The following SDK1 variants were observed in gnomAD, a reference collection of about 807,000 sequenced individuals.
SDK1 encodes protein sidekick-1.
Under a neutral mutation model 245.5 loss-of-function variants are expected in SDK1, and 157 were observed. The ratio of observed to expected loss-of-function variants is 0.64; its 90% CI spans 0.56 to 0.73. The LOEUF is 0.73. Ranked by LOEUF, SDK1 falls within the 30% of genes least tolerant of loss-of-function variation. The probability of loss-of-function intolerance (pLI) is 0.00; values close to 1 mark genes in which losing one functional copy is unlikely to be tolerated. For missense variants in SDK1, 3,583 were observed against 3,002.3 expected (o/e 1.19, Z -4.52); for synonymous variants, 1,647 against 1,278.5 (o/e 1.29, Z -6.15).
At chr7:3,742,395 C>A (rs1269607620) in intron 4 of SDK1, among the ~76,000 whole-genome samples, 1 of 152,112 alleles carries the variant, frequency 6.6e-6, no homozygotes, top group East Asian at 1.9e-4. Context: ...AGCTCTACTT[C>A]CGGTAAGGAG....
intron 14 of SDK1, among the ~76,000 whole-genome samples, chr7:4,003,624 TCATCA>T (rs908262235): frequency 2.0e-4 from 30 of 152,212 alleles, no homozygotes; most frequent in African/African-American, 7.0e-4. Context: ...AGCGCCATTC[TCATCA>T]CATCACATCA....
chr7:3,920,362 G>A (rs982572358), intron 5 of SDK1, among the ~76,000 whole-genome samples: 5 of 152,182 alleles, frequency 3.3e-5, no homozygotes, highest in African/African-American at 9.7e-5. Flanking sequence ...TGAGACAGGA[G>A]TGGTAAGAGG....
intron 4 of SDK1, among the ~76,000 whole-genome samples, chr7:3,801,321 C>T (rs1779101106): frequency 6.6e-6 from 1 of 152,222 alleles, no homozygotes; most frequent in Non-Finnish European, 1.5e-5. Flanking sequence ...GAGCATAGTG[C>T]ATATAATTTA....
chr7:3,906,670 C>G (rs1009676709), intron 5 of SDK1, among the ~76,000 whole-genome samples: 1 of 130,252 alleles, frequency 7.7e-6, no homozygotes, highest in South Asian at 2.5e-4. Context: ...TTCTGTCGCC[C>G]AGGCTGGAGT....
intron 13 of SDK1, among the ~76,000 whole-genome samples, chr7:3,977,936 G>T (rs971253625): frequency 6.6e-6 from 1 of 152,100 alleles, no homozygotes; most frequent in Admixed American, 6.6e-5. Flanking sequence ...TTCCCTACTC[G>T]TACCTTGATG....
chr7:3,699,628 C>T (rs899047937), intron 4 of SDK1, among the ~76,000 whole-genome samples: 2 of 152,038 alleles, frequency 1.3e-5, no homozygotes, highest in Admixed American at 6.6e-5. Context: ...AACCTCAGAG[C>T]CTCAGAGATT....
intron 1 of SDK1, among the ~76,000 whole-genome samples, chr7:3,450,019 T>C (rs926150879): frequency 2.0e-5 from 3 of 152,182 alleles, no homozygotes; most frequent in Admixed American, 1.3e-4. Flanking sequence ...GGAGCTGCGC[T>C]CCAGAGGAAG....
intron 4 of SDK1, among the ~76,000 whole-genome samples, chr7:3,686,021 T>C (rs1429499149): frequency 6.6e-6 from 1 of 152,146 alleles, no homozygotes; most frequent in Non-Finnish European, 1.5e-5. Flanking sequence ...TAAAGTGCAA[T>C]GACATAAGAG....
At chr7:4,081,670 G>A (rs899778122) in intron 22 of SDK1, among the ~76,000 whole-genome samples, 11 of 152,054 alleles carry the variant, frequency 7.2e-5, no homozygotes, top group Middle Eastern at 3.4e-3. Flanking sequence ...CGCCTGCCTC[G>A]GCCTCCCAAA....
chr7:3,339,903 A>G (rs1047066142), intron 1 of SDK1, among the ~76,000 whole-genome samples: 1 of 152,080 alleles, frequency 6.6e-6, no homozygotes, highest in African/African-American at 2.4e-5. Flanking sequence ...AAAATCATAA[A>G]AATCATAAAA....
intron 1 of SDK1, among the ~76,000 whole-genome samples, chr7:3,589,036 CA>C (rs1780776362): frequency 6.6e-6 from 1 of 152,178 alleles, no homozygotes; most frequent in East Asian, 1.9e-4. Context: ...CATATTAGAT[CA>C]ATATTAGCTA....
intron 1 of SDK1, among the ~76,000 whole-genome samples, chr7:3,434,102 GC>G (rs1324778887): frequency 6.6e-6 from 1 of 152,066 alleles, no homozygotes; most frequent in Non-Finnish European, 1.5e-5. Flanking sequence ...ATCCATATGG[GC>G]TCATCTTATG....
intron 32 of SDK1, among the ~76,000 whole-genome samples, chr7:4,163,590 A>G (rs1355969789): frequency 2.0e-5 from 3 of 152,184 alleles, no homozygotes; most frequent in Non-Finnish European, 4.4e-5. Flanking sequence ...CAGTGGCTTC[A>G]CTTTGCAGCA....
At position 3,345,123 on chromosome 7, in the gene SDK1, C is replaced by T. The variant is rs891301521; in HGVS notation, c.298+43239C>T. Reference sequence around the variant, plus strand: ...GGGTCTCCACGGAATGTGGTTTGATCACTGCTGCATTGAAGTACACAGAGG... The same window carrying T: ...GGGTCTCCACGGAATGTGGTTTGATTACTGCTGCATTGAAGTACACAGAGG... On this transcript the variant is annotated intron_variant, in intron 1 of 44. Transcript: ENST00000404826. 7.9e-5 allele frequency among the ~76,000 whole-genome samples: 12 copies of T among 152,192 alleles called. 1 individual carries two copies.
At chr7:3,716,114 C>CA (rs34348813) in intron 4 of SDK1, among the ~76,000 whole-genome samples, 7,016 of 82,058 alleles carry the variant, frequency 0.086, 226 homozygotes, top group African/African-American at 0.14. Context: ...AAAAGGTAGA[C>CA]AAAAAAAAAA....
intron 1 of SDK1, among the ~76,000 whole-genome samples, chr7:3,533,377 A>G (rs1783413624): frequency 6.6e-6 from 1 of 152,226 alleles, no homozygotes; most frequent in African/African-American, 2.4e-5. Flanking sequence ...ATGAAAAGGA[A>G]AGACCAAGGG....
chr7:3,766,692 A>G (rs374855654), intron 4 of SDK1, among the ~76,000 whole-genome samples: 2 of 152,222 alleles, frequency 1.3e-5, no homozygotes, highest in East Asian at 1.9e-4. Context: ...AATAATAAAT[A>G]TAAAGCTAAT....
chr7:3,875,390 C>T (rs1562506456), intron 5 of SDK1, among the ~76,000 whole-genome samples: 1 of 152,204 alleles, frequency 6.6e-6, no homozygotes, highest in Non-Finnish European at 1.5e-5. Flanking sequence ...AAGTCACTCT[C>T]AGAAAACCAA....
intron 13 of SDK1, among the ~76,000 whole-genome samples, chr7:3,984,130 T>C (rs892666368): frequency 2.0e-5 from 3 of 152,314 alleles, no homozygotes; most frequent in South Asian, 2.1e-4. Context: ...CTGTTGCTTG[T>C]GGTCTGCTGG....
Sources: gnomAD v4.1 joint callset for allele counts (sites outside exome capture counted in the v4.1 genomes callset) on GRCh38, gnomAD v4.1.1 for gene constraint, MANE v1.5 for transcripts, NCBI Gene and HGNC (gene_info 2026-07-23, HGNC 2026-07-21) for gene names.